Variants in ZNF831 observed in about 807,000 individuals in gnomAD.
The protein encoded by ZNF831 is zinc finger protein 831.
In ZNF831, 59 loss-of-function variants were observed where a neutral mutation model predicts 95.8. The observed-to-expected ratio is 0.62, with a 90% CI of 0.50 to 0.77. The LOEUF (loss-of-function observed/expected upper bound fraction) is 0.77, where lower values mean the gene tolerates loss of function less well. Ranked by LOEUF, ZNF831 falls within the 30% of genes least tolerant of loss-of-function variation. The pLI, the probability that ZNF831 is intolerant of heterozygous loss-of-function variation, is 0.00. For missense variants in ZNF831, 2,205 were observed against 2,164.0 expected, an observed-to-expected ratio of 1.02 and a Z score of -0.38; for synonymous variants, 961 against 925.5, an observed-to-expected ratio of 1.04 and a Z score of -0.70.
At chr20:59,189,086 C>T (rs1244406210) in intron 1 of ZNF831, among the ~76,000 whole-genome samples, 2 of 151,662 alleles carry the variant, frequency 1.3e-5, no homozygotes, top group Non-Finnish European at 2.9e-5. Context: ...GAGGCCGAGG[C>T]AAGAGAATAG....
intron 1 of ZNF831, among the ~76,000 whole-genome samples, chr20:59,130,272 A>G (rs1449163234): frequency 6.6e-6 from 1 of 152,160 alleles, no homozygotes; most frequent in East Asian, 1.9e-4. Context: ...CGGGCCTGGA[A>G]GCACATTACT....
chr20:59,254,904 C>T lies in ZNF831; in HGVS notation c.*161C>T. On this transcript the variant is annotated 3_prime_UTR_variant, in exon 6 of 6. Transcript: ENST00000371030. This position sits in a 1 kb window ranked among gnomAD's most constrained non-coding sequence, Gnocchi z 4.5. ...AAGCCAACTCCAACCAACTTCTGAC[C>T]CCCAACTCAGCCGCAGCGTTCCCCA... The T allele has an allele frequency of 1.0e-6, 1 of 978,812 alleles. No homozygotes were observed. The highest frequency in any genetic ancestry group is 1.5e-6 in the Non-Finnish European group (1 of 676,832). 60.6% of individuals were successfully genotyped at this position (978,812 alleles called of 1,614,324 possible). A position where few individuals can be genotyped will look rare whatever the true frequency, so the allele number is the denominator to read the frequency against.
intron 1 of ZNF831, among the ~76,000 whole-genome samples, chr20:59,139,774 C>G (rs75411286): frequency 6.6e-6 from 1 of 152,154 alleles, no homozygotes; most frequent in African/African-American, 2.4e-5. Flanking sequence ...TCTTGACTTT[C>G]AATCTTTTTA....
At chr20:59,134,968 GA>G (rs749000511) in intron 1 of ZNF831, among the ~76,000 whole-genome samples, 4 of 151,758 alleles carry the variant, frequency 2.6e-5, no homozygotes, top group South Asian at 2.1e-4. Context: ...CTCCAAGATG[GA>G]AAAAAAACCA....
chr20:59,189,517 T>C (rs1185334215), intron 1 of ZNF831, among the ~76,000 whole-genome samples: 1 of 152,156 alleles, frequency 6.6e-6, no homozygotes. Flanking sequence ...AAATTTTTAT[T>C]TATATATTTT....
chr20:59,168,455 GTTT>G lies in ZNF831; in HGVS notation c.-37+4265_-37+4267del, dbSNP rs71183161. On this transcript the variant is annotated intron_variant, in intron 1 of 5. Coordinates refer to ENST00000371030, the MANE Select transcript of ZNF831 (RefSeq NM_178457.3). ...TGCACTCACTTATTAGTGCGAGGAGGTTTTTTTTTTTTTTTTTTTGTAGATTCT... is the reference window on the plus strand; with the variant it reads ...TGCACTCACTTATTAGTGCGAGGAGGTTTTTTTTTTTTTTTTGTAGATTCT... Among the ~76,000 whole-genome samples the G allele has an allele frequency of 5.4e-3, 620 of 113,842 alleles. 5 individuals are homozygous for G. The highest frequency in any genetic ancestry group is 0.019 in the African/African-American group (575 of 29,530). The allele number at this position is 113,842 out of a possible 152,430, so 74.7% of individuals were successfully genotyped here. A position where few individuals can be genotyped will look rare whatever the true frequency, so the allele number is the denominator to read the frequency against.
intron 4 of ZNF831, among the ~76,000 whole-genome samples, chr20:59,215,365 G>T (rs1361579498): frequency 6.6e-6 from 1 of 152,174 alleles, no homozygotes; most frequent in Non-Finnish European, 1.5e-5. Flanking sequence ...ATGTTTTATT[G>T]AACGATAAGA....
intron 4 of ZNF831, among the ~76,000 whole-genome samples, chr20:59,213,599 T>A (rs985410797): frequency 2.0e-5 from 3 of 152,180 alleles, no homozygotes; most frequent in Non-Finnish European, 2.9e-5. Flanking sequence ...TTTCTTTACC[T>A]TGAGGTTCCT....
rs997495163 is a variant in ZNF831 at position 59,193,449 on chromosome 20, C to G, written c.2430C>G (p.Ser810Arg). 9 of 1,605,036 alleles carry G rather than the reference C, an allele frequency of 5.6e-6. No individual in the cohort carries two copies. In the Admixed American group the frequency reaches 1.2e-4, roughly 21 times the overall value. ...LWAQTVLRWP[S>R]RGSGEDKLPS... Reference sequence around the variant, plus strand: ...CCCAGACTGTCCTGAGATGGCCCAGCAGGGGCTCAGGGGAGGACAAGCTCC... The same window carrying G: ...CCCAGACTGTCCTGAGATGGCCCAGGAGGGGCTCAGGGGAGGACAAGCTCC... Residue 810 changes from serine (S) to arginine (R), a missense_variant, in exon 2 of 6, where the codon AGC becomes AGG. By Grantham distance (110) the Ser-to-Arg change is moderately radical. Coordinates refer to ENST00000371030, the MANE Select transcript of ZNF831 (RefSeq NM_178457.3).
At position 59,191,894 on chromosome 20, in the gene ZNF831, C is replaced by A. The variant is rs1230283213; in HGVS notation, c.875C>A (p.Ala292Glu). Residue 292 changes from alanine to glutamate, a missense_variant, in exon 2 of 6, where the codon GCG becomes GAG. Transcript: ENST00000371030. ...SAPMASPGLP[A>E]ASTQPWRKLP... ...CCCATGGCGTCACCTGGGCTCCCAG[C>A]GGCCAGCACACAACCCTGGCGTAAG... The A allele has an allele frequency of 6.2e-7, 1 of 1,612,820 alleles. No homozygotes were observed. The highest frequency in any genetic ancestry group is 1.6e-4 in the Middle Eastern group (1 of 6,062).
intron 4 of ZNF831, among the ~76,000 whole-genome samples, chr20:59,251,112 A>G (rs1396998107): frequency 2.0e-5 from 3 of 152,206 alleles, no homozygotes; most frequent in Non-Finnish European, 4.4e-5. Context: ...TAATAATCTA[A>G]TTTAGCCAAC....
chr20:59,202,641 G>T (rs1193104561), intron 3 of ZNF831, among the ~76,000 whole-genome samples: 1 of 152,136 alleles, frequency 6.6e-6, no homozygotes, highest in African/African-American at 2.4e-5. Flanking sequence ...CCCACATACT[G>T]AGAGTATGCC....
Position 59,190,974 on chromosome 20 carries a change from T to C in ZNF831, c.-36-10T>C, listed in dbSNP as rs370938289. The C allele has an allele frequency of 8.2e-6, 12 of 1,462,396 alleles. No homozygotes were observed. The highest frequency in any genetic ancestry group is 2.5e-5 in the East Asian group (1 of 40,712). The allele number at this position is 1,462,396 out of a possible 1,614,324, so 90.6% of individuals were successfully genotyped here. A position where few individuals can be genotyped will look rare whatever the true frequency, so the allele number is the denominator to read the frequency against. On this transcript the variant is annotated splice_polypyrimidine_tract_variant and intron_variant, in intron 1 of 5. Transcript: ENST00000371030. ...AGGTGCCCATGGTAAAGTTTGGTTG[T>C]TGTCTGCAGGTTTTCCAGCATTGTG...
upstream of ZNF831, chr20:59,159,752 T>C (rs1221480842): frequency 3.3e-5 from 5 of 152,166 alleles, no homozygotes; most frequent in African/African-American, 1.2e-4. Flanking sequence ...GAAAGCGGAG[T>C]GCGTGCCTCC....
chr20:59,124,764 G>T (rs935766340), intron 1 of ZNF831, among the ~76,000 whole-genome samples: 4 of 152,232 alleles, frequency 2.6e-5, no homozygotes, highest in African/African-American at 7.2e-5. Flanking sequence ...GAGAGGCTCA[G>T]TGTGGAATAA....
intron 5 of ZNF831, 29 bp from the exon 6 acceptor site, chr20:59,253,869 C>CGGGGG: frequency 1.9e-6 from 2 of 1,067,572 alleles, no homozygotes; most frequent in Non-Finnish European, 2.5e-6. Flanking sequence ...TCCCCCCCCA[C>CGGGGG]TTTTTTTTTC....
chr20:59,147,516 G>A (rs752447991), intron 2 of ZNF831, among the ~76,000 whole-genome samples: 1 of 152,238 alleles, frequency 6.6e-6, no homozygotes, highest in Non-Finnish European at 1.5e-5. Context: ...AATTGCAATT[G>A]TTATACTTTG....
At chr20:59,186,900 C>T (rs1002994712) in intron 1 of ZNF831, among the ~76,000 whole-genome samples, 2 of 151,122 alleles carry the variant, frequency 1.3e-5, no homozygotes, top group Non-Finnish European at 2.9e-5. Context: ...CTCCCTTCTG[C>T]TCAGTGATGT....
chr20:59,216,580 G>T (rs718161), intron 4 of ZNF831, among the ~76,000 whole-genome samples: 5,239 of 152,294 alleles, frequency 0.034, 333 homozygotes, highest in African/African-American at 0.12. Context: ...GCCTGTGCCA[G>T]GAGGAAGTGG....
Sources: allele counts gnomAD v4.1 joint callset (sites outside exome capture counted in the v4.1 genomes callset), GRCh38; gene constraint gnomAD v4.1.1; non-coding constraint Gnocchi (gnomAD v3.1); transcripts MANE v1.5; gene names NCBI Gene and HGNC (gene_info 2026-07-23, HGNC 2026-07-21).